Variants in NRROS observed in about 807,000 individuals in gnomAD.
NRROS encodes the protein negative regulator of reactive oxygen species, also known as transforming growth factor beta activator LRRC33.
NRROS carries 6 observed loss-of-function variants against 12.0 expected under a neutral mutation model. That is an observed-to-expected ratio of 0.50 (90% CI 0.27 to 0.98). The LOEUF (loss-of-function observed/expected upper bound fraction) is 0.98, where lower values mean the gene tolerates loss of function less well. Among genes scored for constraint, NRROS ranks in the 50% least tolerant of loss-of-function variants. The pLI, the probability that NRROS is intolerant of heterozygous loss-of-function variation, is 0.11. For synonymous variants in NRROS, 462 were observed against 410.2 expected (o/e 1.13, Z -1.53); for missense variants, 857 against 888.2 (o/e 0.96, Z 0.45).
chr3:196,640,297 G>A (rs981118378), intron 1 of NRROS, among the ~76,000 whole-genome samples: 8 of 152,170 alleles, frequency 5.3e-5, no homozygotes, highest in Middle Eastern at 3.2e-3. Context: ...ACCGCTCTGT[G>A]CACACTCAGC....
In NRROS at chr3:196,661,806, C is replaced by G; in HGVS notation, c.*84C>G. Reference sequence around the variant, plus strand: ...CAGCTTTCAAGATGTGATGCAGAGGCCAAGTCTGACGAATTGAAGTTTCAA... The same window carrying G: ...CAGCTTTCAAGATGTGATGCAGAGGGCAAGTCTGACGAATTGAAGTTTCAA... On this transcript the variant is annotated 3_prime_UTR_variant, in exon 3 of 3. Coordinates refer to ENST00000328557, the MANE Select transcript of NRROS (RefSeq NM_198565.3). The G allele has an allele frequency of 8.5e-7, 1 of 1,178,168 alleles. No homozygotes were observed. Among genetic ancestry groups the G allele is most frequent in the East Asian group, 2.4e-5 (1 of 42,266 alleles). 73.0% of individuals were successfully genotyped at this position (1,178,168 alleles called of 1,614,324 possible).
Position 196,660,897 on chromosome 3 carries a change from C to T in NRROS, c.1254C>T (p.Pro418=). 6.2e-7 allele frequency: 1 copy of T among 1,614,162 alleles called. No individual in the cohort carries two copies. The highest frequency in any genetic ancestry group is 8.5e-7 in the Non-Finnish European group (1 of 1,180,044). Residue 418 remains proline, a synonymous_variant, in exon 3 of 3, where the codon CCC becomes CCT. Coordinates refer to ENST00000328557, the MANE Select transcript of NRROS (RefSeq NM_198565.3). This position sits in a 1 kb window ranked among gnomAD's most constrained non-coding sequence, Gnocchi z 7.7. ...NLSSNQLLGV[P]PGLFANARNI... ...GCTCCAACCAGCTCCTGGGCGTCCC[C>T]CCTGGCCTCTTCGCCAATGCTAGGA...
At position 196,661,523 on chromosome 3, in the gene NRROS, T is replaced by C; in HGVS notation, c.1880T>C (p.Ile627Thr). 4 of 1,613,616 alleles carry C rather than the reference T, an allele frequency of 2.5e-6. No individual in the cohort carries two copies. Among genetic ancestry groups the C allele is most frequent in the African/African-American group, 1.3e-5 (1 of 75,032 alleles). ...GTCACCTGCAACCTCTCCTCCAAGA[T>C]CATCCGCGTGACGGAGCTGCCCGGA... ...AMVTCNLSSK[I>T]IRVTELPGGV... The change falls in exon 3 of 3, where the codon ATC becomes ACC. Residue 627 changes from isoleucine to threonine, a missense_variant. By Grantham distance (89) the Ile-to-Thr change is moderately conservative. Coordinates refer to ENST00000328557, the MANE Select transcript of NRROS (RefSeq NM_198565.3).
At position 196,654,268 on chromosome 3, in the gene NRROS, G is replaced by A. The variant is rs73221637; in HGVS notation, c.-13-259G>A. On this transcript the variant is annotated intron_variant, in intron 1 of 2. Coordinates refer to ENST00000328557, the MANE Select transcript of NRROS (RefSeq NM_198565.3). The surrounding 1 kb of genome is among the most constrained non-coding windows in gnomAD (Gnocchi z 4.4). ...TGCTTCTCCCTTCTGTGCTGGACTC[G>A]CTGAAGTTTAGTGTTCAGCCACCCG... Among the ~76,000 whole-genome samples the A allele has an allele frequency of 0.23, 35,617 of 152,144 alleles. 4,593 individuals are homozygous for A. The highest frequency in any genetic ancestry group is 0.43 in the East Asian group (2,219 of 5,174).
At chr3:196,652,997 A>C (rs904147581) in intron 1 of NRROS, among the ~76,000 whole-genome samples, 9 of 152,206 alleles carry the variant, frequency 5.9e-5, no homozygotes, top group Non-Finnish European at 1.2e-4. Context: ...ATGCCTTGTA[A>C]TTTACTAAAT....
chr3:196,649,564 C>T (rs1248413138), intron 1 of NRROS, among the ~76,000 whole-genome samples: 1 of 152,184 alleles, frequency 6.6e-6, no homozygotes, highest in Non-Finnish European at 1.5e-5. Flanking sequence ...CTCCACCTCC[C>T]GGGTTCACGC....
chr3:196,652,466 TTGTC>T (rs932144356), intron 1 of NRROS, among the ~76,000 whole-genome samples: 10 of 152,218 alleles, frequency 6.6e-5, no homozygotes, highest in Admixed American at 6.5e-4. Flanking sequence ...CTTGGAGACT[TTGTC>T]TGAATTCCTA....
In NRROS at chr3:196,659,734, G is replaced by A. The variant is rs764796623; in HGVS notation, c.109-18G>A. ...CTCTGGGCCTCCTCGCTGCTGACCG[G>A]TGTGGTTTTGGCCGCAGGTGGGTGG... On this transcript the variant is annotated intron_variant, in intron 2 of 2. Coordinates refer to ENST00000328557, the MANE Select transcript of NRROS (RefSeq NM_198565.3). 6.3e-7 allele frequency: 1 copy of A among 1,597,132 alleles called. No homozygotes were observed. Among genetic ancestry groups the A allele is most frequent in the Admixed American group, 1.7e-5 (1 of 58,618 alleles).
intron 1 of NRROS, among the ~76,000 whole-genome samples, chr3:196,641,761 G>A (rs375331050): frequency 6.6e-6 from 1 of 152,116 alleles, no homozygotes; most frequent in African/African-American, 2.4e-5. Flanking sequence ...TTCTGGCTGC[G>A]GTGTGCGTCC....
intron 1 of NRROS, among the ~76,000 whole-genome samples, chr3:196,644,878 G>A (rs2108635851): frequency 6.6e-6 from 1 of 151,988 alleles, no homozygotes; most frequent in Admixed American, 6.6e-5. Context: ...ACTTGAGGCT[G>A]GGAGCTTGAG....
At chr3:196,641,209 A>G (rs1050500901) in intron 1 of NRROS, among the ~76,000 whole-genome samples, 8 of 151,904 alleles carry the variant, frequency 5.3e-5, no homozygotes, top group African/African-American at 1.9e-4. Context: ...TTAAAAATAT[A>G]TATATTTATT....
Position 196,654,944 on chromosome 3 carries a change from T to G in NRROS, c.108+297T>G. The stretch of plus-strand genomic sequence containing the variant: ...GAACAAGAACAACTTGTTAAAAATC[T>G]GGATGATTCAGGCCGGGTGCAGTGG... On this transcript the variant is annotated intron_variant, in intron 2 of 2. Transcript: ENST00000328557. This position sits in a 1 kb window ranked among gnomAD's most constrained non-coding sequence, Gnocchi z 4.4. 1 of 313,100 alleles carries G rather than the reference T, an allele frequency of 3.2e-6. No homozygotes were observed. Among genetic ancestry groups the G allele is most frequent in the Non-Finnish European group, 5.9e-6 (1 of 169,518 alleles). The allele number at this position is 313,100 out of a possible 1,614,324, so 19.4% of individuals were successfully genotyped here. A position where few individuals can be genotyped will look rare whatever the true frequency, so the allele number is the denominator to read the frequency against.
rs545494087 is a variant in NRROS at position 196,653,748 on chromosome 3, A to C, written c.-13-779A>C. 3.3e-5 allele frequency among the ~76,000 whole-genome samples: 5 copies of C among 152,266 alleles called. No homozygotes were observed. The South Asian group carries it at 1.0e-3, about 32-fold the overall frequency. On this transcript the variant is annotated intron_variant, in intron 1 of 2. Coordinates refer to ENST00000328557, the MANE Select transcript of NRROS (RefSeq NM_198565.3). ...CTCTGGGCCTTTGTTCACCTGGCAA[A>C]TGTGATGAGTATATTGCATTTCCCT... is the stretch of plus-strand genomic sequence containing the variant.
chr3:196,642,348 T>A (rs1737225390), intron 1 of NRROS, among the ~76,000 whole-genome samples: 1 of 152,170 alleles, frequency 6.6e-6, no homozygotes, highest in Non-Finnish European at 1.5e-5. Flanking sequence ...GGCAATAGTT[T>A]CAGGCATGGC....
intron 2 of NRROS, among the ~76,000 whole-genome samples, chr3:196,659,413 A>G (rs545146751): frequency 1.9e-4 from 29 of 149,314 alleles, no homozygotes; most frequent in African/African-American, 5.4e-4. Context: ...GGTTCAAGCA[A>G]TTCTCTGCCT....
At chr3:196,650,723 C>A (rs1343646660) in intron 1 of NRROS, among the ~76,000 whole-genome samples, 1 of 152,258 alleles carries the variant, frequency 6.6e-6, no homozygotes, top group Non-Finnish European at 1.5e-5. Flanking sequence ...CACTTTCTTA[C>A]TATGACCAGG....
chr3:196,651,820 G>A (rs1577632024), intron 1 of NRROS, among the ~76,000 whole-genome samples: 1 of 152,122 alleles, frequency 6.6e-6, no homozygotes, highest in Non-Finnish European at 1.5e-5. Context: ...TGTCACCAGA[G>A]CCTAGGGGTC....
intron 1 of NRROS, among the ~76,000 whole-genome samples, chr3:196,647,481 A>C (rs544477992): frequency 6.8e-6 from 1 of 147,312 alleles, no homozygotes; most frequent in African/African-American, 2.5e-5. Flanking sequence ...GTTCTTGTTA[A>C]TGCATCCACC....
chr3:196,643,639 C>T (rs1650821325), intron 1 of NRROS, among the ~76,000 whole-genome samples: 1 of 152,240 alleles, frequency 6.6e-6, no homozygotes, highest in Non-Finnish European at 1.5e-5. Context: ...AAGGCAACCC[C>T]ACACCCACAG....
Sources: gnomAD v4.1 joint callset for allele counts (sites outside exome capture counted in the v4.1 genomes callset) on GRCh38, gnomAD v4.1.1 for gene constraint, Gnocchi (gnomAD v3.1) non-coding constraint, MANE v1.5 for transcripts, NCBI Gene and HGNC (gene_info 2026-07-23, HGNC 2026-07-21) for gene names.